The following STX8 variants were observed in gnomAD, a reference collection of about 807,000 sequenced individuals.
STX8 encodes the protein syntaxin 8, also known as syntaxin-8.
Under a neutral mutation model 37.5 loss-of-function variants are expected in STX8, and 23 were observed. That is an observed-to-expected ratio of 0.61 (90% CI 0.44 to 0.87). The LOEUF (loss-of-function observed/expected upper bound fraction) is 0.87. Among genes scored for constraint, STX8 ranks in the 40% least tolerant of loss-of-function variants. STX8 has a pLI of 0.00. For missense variants in STX8, 313 were observed against 284.7 expected (o/e 1.10, Z -0.71); for synonymous variants, 115 against 99.1 (o/e 1.16, Z -0.95).
chr17:9,281,114 GCTCCTCCTGA>G (rs755543075), intron 7 of STX8, among the ~76,000 whole-genome samples: 140 of 152,270 alleles, frequency 9.2e-4, no homozygotes, highest in African/African-American at 3.3e-3. Context: ...ATTTTCCAAA[GCTCCTCCTGA>G]CTTCAACGTG....
chr17:9,317,722 C>T (rs1222301168), intron 7 of STX8, among the ~76,000 whole-genome samples: 1 of 150,926 alleles, frequency 6.6e-6, no homozygotes, highest in African/African-American at 2.4e-5. Flanking sequence ...GCCGAGATTG[C>T]ACCACTGCAC....
intron 7 of STX8, among the ~76,000 whole-genome samples, chr17:9,265,207 G>A (rs1211308124): frequency 6.6e-6 from 1 of 151,148 alleles, no homozygotes; most frequent in Non-Finnish European, 1.5e-5. Context: ...TATTTTACAA[G>A]CAATCTTTGA....
At chr17:9,270,836 G>A (rs558359015) in intron 7 of STX8, among the ~76,000 whole-genome samples, 9 of 152,290 alleles carry the variant, frequency 5.9e-5, no homozygotes, top group Non-Finnish European at 1.2e-4. Context: ...AATTCTAGGA[G>A]AATATGTTCT....
At chr17:9,433,350 T>C (rs957150183) in intron 6 of STX8, among the ~76,000 whole-genome samples, 1 of 152,240 alleles carries the variant, frequency 6.6e-6, no homozygotes, top group African/African-American at 2.4e-5. Flanking sequence ...CATAGCTTTG[T>C]CGTGAGCACT....
chr17:9,563,671 A>C (rs995476605), intron 2 of STX8, among the ~76,000 whole-genome samples: 2 of 152,188 alleles, frequency 1.3e-5, no homozygotes, highest in Non-Finnish European at 2.9e-5. Context: ...TGGGAACAAG[A>C]CTTTGAGTGT....
intron 5 of STX8, among the ~76,000 whole-genome samples, chr17:9,498,838 C>T (rs551280083): frequency 6.6e-6 from 1 of 152,336 alleles, no homozygotes; most frequent in African/African-American, 2.4e-5. Flanking sequence ...CTTCATACTT[C>T]TCCAAGGTCT....
intron 6 of STX8, among the ~76,000 whole-genome samples, chr17:9,398,688 C>T (rs1055294337): frequency 2.0e-5 from 3 of 152,152 alleles, no homozygotes; most frequent in Admixed American, 2.0e-4. Flanking sequence ...TATTCAATTT[C>T]TCTGTAAATC....
At chr17:9,434,371 A>G (rs566498881) in intron 6 of STX8, among the ~76,000 whole-genome samples, 1 of 152,216 alleles carries the variant, frequency 6.6e-6, no homozygotes, top group South Asian at 2.1e-4. Context: ...GGATTTTAGC[A>G]TGAAAACAAC....
chr17:9,309,120 G>T (rs777145445), intron 7 of STX8, among the ~76,000 whole-genome samples: 7 of 151,950 alleles, frequency 4.6e-5, no homozygotes, highest in Admixed American at 1.3e-4. Context: ...AAGAAAACAA[G>T]AACCTTCCCC....
At chr17:9,414,048 G>A (rs553796134) in intron 6 of STX8, among the ~76,000 whole-genome samples, 32 of 115,712 alleles carry the variant, frequency 2.8e-4, no homozygotes, top group Non-Finnish European at 3.9e-4. Context: ...CTATCTGCCC[G>A]TCCGTCTGTC....
chr17:9,529,784 A>C (rs977787092), intron 4 of STX8, among the ~76,000 whole-genome samples: 10 of 152,168 alleles, frequency 6.6e-5, no homozygotes, highest in African/African-American at 2.4e-4. Flanking sequence ...GTATTTATTC[A>C]TTATACTATA....
chr17:9,449,288 C>T (rs568112761), intron 6 of STX8, among the ~76,000 whole-genome samples: 16 of 152,296 alleles, frequency 1.1e-4, no homozygotes, highest in Admixed American at 2.0e-4. Context: ...TTGCCGGGTG[C>T]GGTGGCTCAC....
intron 7 of STX8, among the ~76,000 whole-genome samples, chr17:9,317,504 G>A (rs998324152): frequency 1.3e-5 from 2 of 152,170 alleles, no homozygotes; most frequent in East Asian, 1.9e-4. Flanking sequence ...GGTGGCTCAC[G>A]CCTGGAATCC....
chr17:9,506,944 C>T (rs541454772), intron 4 of STX8, among the ~76,000 whole-genome samples: 112 of 152,130 alleles, frequency 7.4e-4, no homozygotes, highest in African/African-American at 2.7e-3. Flanking sequence ...CAAAGCTACA[C>T]AGGTGGCTGA....
intron 7 of STX8, among the ~76,000 whole-genome samples, chr17:9,277,832 G>A (rs1907728628): frequency 6.6e-6 from 1 of 152,094 alleles, no homozygotes; most frequent in Non-Finnish European, 1.5e-5. Flanking sequence ...ACCCACTGTG[G>A]TTAGAACTGG....
intron 6 of STX8, among the ~76,000 whole-genome samples, chr17:9,445,492 A>AG (rs1415169726): frequency 3.8e-4 from 1 of 2,614 alleles, no homozygotes; most frequent in East Asian, 0.016. Context: ...GTGGCCGGGG[A>AG]GGGGGGGATG....
At chr17:9,344,616 C>T (rs947069098) in intron 7 of STX8, among the ~76,000 whole-genome samples, 1 of 152,182 alleles carries the variant, frequency 6.6e-6, no homozygotes, top group South Asian at 2.1e-4. Flanking sequence ...CCCAGGCACA[C>T]TGAGACCCCA....
At chr17:9,412,521 C>G (rs1181722275) in intron 6 of STX8, among the ~76,000 whole-genome samples, 1 of 152,136 alleles carries the variant, frequency 6.6e-6, no homozygotes, top group African/African-American at 2.4e-5. Flanking sequence ...TCAGGTGATC[C>G]GCCCATCTCG....
chr17:9,317,318 C>T (rs1221077648), intron 7 of STX8, among the ~76,000 whole-genome samples: 3 of 152,156 alleles, frequency 2.0e-5, no homozygotes, highest in East Asian at 1.9e-4. Context: ...AGGGCACCAA[C>T]CTGCCAAGCA....
Sources: allele counts gnomAD v4.1 joint callset (sites outside exome capture counted in the v4.1 genomes callset), GRCh38; gene constraint gnomAD v4.1.1; transcripts MANE v1.5; gene names NCBI Gene and HGNC (gene_info 2026-07-23, HGNC 2026-07-21).